Variants in ADGRB3 observed in about 807,000 individuals in gnomAD.
ADGRB3 encodes the protein brain-specific angiogenesis inhibitor 3.
Under a neutral mutation model 193.4 loss-of-function variants are expected in ADGRB3, and 37 were observed. The observed-to-expected ratio is 0.19, with a 90% CI of 0.15 to 0.25. The LOEUF (loss-of-function observed/expected upper bound fraction) is 0.25, where lower values mean the gene tolerates loss of function less well. Ranked by LOEUF, ADGRB3 falls within the 10% of genes least tolerant of loss-of-function variation. ADGRB3 has a pLI of 1.00. For missense variants in ADGRB3, 1,637 were observed against 1,852.9 expected (o/e 0.88, Z 2.14); for synonymous variants, 690 against 644.2 (o/e 1.07, Z -1.08).
chr6:69,224,821 GA>G (rs908486592), intron 17 of ADGRB3, among the ~76,000 whole-genome samples: 1 of 151,822 alleles, frequency 6.6e-6, no homozygotes, highest in Non-Finnish European at 1.5e-5. Context: ...AATTTTCTGA[GA>G]AAAAAATACT....
intron 3 of ADGRB3, among the ~76,000 whole-genome samples, chr6:68,777,615 T>A (rs1042384431): frequency 5.4e-5 from 8 of 147,152 alleles, no homozygotes; most frequent in Admixed American, 2.7e-4. Context: ...CTAAAAAAAA[T>A]TGCTAATGGG....
chr6:68,920,338 T>C (rs1767000235), intron 3 of ADGRB3, among the ~76,000 whole-genome samples: 1 of 151,766 alleles, frequency 6.6e-6, no homozygotes, highest in Non-Finnish European at 1.5e-5. Context: ...GCTAACATGG[T>C]GAAACCCCAT....
At chr6:68,857,051 C>T (rs1049535181) in intron 3 of ADGRB3, among the ~76,000 whole-genome samples, 8 of 152,250 alleles carry the variant, frequency 5.3e-5, no homozygotes, top group African/African-American at 1.9e-4. Context: ...CCTGCAAGGG[C>T]ACAGAAGTCA....
chr6:68,831,517 G>T (rs1767952819), intron 3 of ADGRB3, among the ~76,000 whole-genome samples: 1 of 152,004 alleles, frequency 6.6e-6, no homozygotes, highest in African/African-American at 2.4e-5. Flanking sequence ...TTTGGTTGGG[G>T]TTTCACAGTC....
At chr6:69,288,648 T>C (rs979371036) in intron 20 of ADGRB3, among the ~76,000 whole-genome samples, 1 of 152,190 alleles carries the variant, frequency 6.6e-6, no homozygotes, top group Non-Finnish European at 1.5e-5. Context: ...TCACAATTCT[T>C]GCAGATGTGT....
chr6:68,989,900 G>A (rs1769183968), intron 10 of ADGRB3, among the ~76,000 whole-genome samples: 1 of 152,108 alleles, frequency 6.6e-6, no homozygotes, highest in Non-Finnish European at 1.5e-5. Flanking sequence ...AAAGGAAGTA[G>A]CAATAAGAGA....
At chr6:68,637,866 G>A (rs1017030768) in intron 2 of ADGRB3, among the ~76,000 whole-genome samples, 5 of 150,496 alleles carry the variant, frequency 3.3e-5, no homozygotes, top group African/African-American at 7.4e-5. Context: ...TCCACTTTAT[G>A]TATCCCAAAA....
chr6:68,640,440 T>G (rs1768060982), intron 3 of ADGRB3, among the ~76,000 whole-genome samples: 1 of 152,240 alleles, frequency 6.6e-6, no homozygotes, highest in South Asian at 2.1e-4. Context: ...TGACTTTTGT[T>G]GTTTGGAAGG....
rs1322065585 is a variant in ADGRB3 at position 68,728,575 on chromosome 6, CACAA to C, written c.757+89147_757+89150del. Among the ~76,000 whole-genome samples, 4 of 151,606 alleles carry C rather than the reference CACAA, an allele frequency of 2.6e-5. No homozygotes were observed. In the South Asian group the frequency reaches 6.2e-4, roughly 24 times the overall value. ...TAGGCTTTCTTCTAAATTACACACA[CACAA>C]ACACACACACGTAATATGTAGGCAT... On this transcript the variant is annotated intron_variant, in intron 3 of 31. Transcript: ENST00000370598.
At chr6:69,262,825 A>T (rs1766958064) in intron 20 of ADGRB3, among the ~76,000 whole-genome samples, 2 of 136,738 alleles carry the variant, frequency 1.5e-5, no homozygotes, top group Admixed American at 7.0e-5. Flanking sequence ...TATGTGTCAT[A>T]AAAAAAAAAT....
intron 8 of ADGRB3, among the ~76,000 whole-genome samples, chr6:68,971,527 A>G (rs778877315): frequency 1.1e-4 from 17 of 152,244 alleles, no homozygotes; most frequent in Non-Finnish European, 2.9e-5. Context: ...TGTGTTGTTC[A>G]AGGATTAACT....
chr6:69,045,468 A>G (rs1398998467), intron 13 of ADGRB3, among the ~76,000 whole-genome samples: 1 of 152,136 alleles, frequency 6.6e-6, no homozygotes, highest in African/African-American at 2.4e-5. Context: ...TGAAAGATTC[A>G]TACTACTTTA....
intron 3 of ADGRB3, among the ~76,000 whole-genome samples, chr6:68,903,585 T>C (rs1562079316): frequency 6.6e-6 from 1 of 152,120 alleles, no homozygotes; most frequent in East Asian, 1.9e-4. Context: ...CAAATGAAAA[T>C]ATTGCCTATA....
chr6:69,354,928 A>G (rs1291878833), intron 27 of ADGRB3, among the ~76,000 whole-genome samples: 2 of 152,208 alleles, frequency 1.3e-5, no homozygotes, highest in African/African-American at 4.8e-5. Context: ...TAGAAATAAG[A>G]TGAGATTTAA....
intron 17 of ADGRB3, among the ~76,000 whole-genome samples, chr6:69,215,372 AT>A: frequency 6.6e-6 from 1 of 152,274 alleles, no homozygotes; most frequent in African/African-American, 2.4e-5. Flanking sequence ...TAAAAAGAAA[AT>A]ATATGTTCTA....
Position 69,200,105 on chromosome 6 carries a change from T to C in ADGRB3, c.2481-33185T>C, listed in dbSNP as rs574470304. Among the ~76,000 whole-genome samples the C allele has an allele frequency of 5.3e-5, 8 of 151,734 alleles. No individual in the cohort carries two copies. The South Asian group carries it at 1.7e-3, about 32-fold the overall frequency. On this transcript the variant is annotated intron_variant, in intron 17 of 31. Transcript: ENST00000370598. ...TTCTGGTTTATGTATGTTTTTGTTA[T>C]TTTTACCAGAAATAAAGTTTTAATT...
At chr6:69,129,816 G>T (rs535214655) in intron 17 of ADGRB3, among the ~76,000 whole-genome samples, 222 of 152,166 alleles carry the variant, frequency 1.5e-3, no homozygotes, top group Admixed American at 2.2e-3. Context: ...AATAGAAAAA[G>T]AATTGTGTTG....
At chr6:69,327,786 T>C in intron 21 of ADGRB3, 34 bp from the exon 22 acceptor site, 1 of 1,595,124 alleles carries the variant, frequency 6.3e-7, no homozygotes, top group Non-Finnish European at 8.6e-7. Flanking sequence ...TGGTTATAGC[T>C]AAATATGAAT....
intron 3 of ADGRB3, among the ~76,000 whole-genome samples, chr6:68,742,890 T>A (rs1766007545): frequency 6.6e-6 from 1 of 151,956 alleles, no homozygotes; most frequent in Non-Finnish European, 1.5e-5. Flanking sequence ...TATAATTTTC[T>A]ATTTTTTCCT....
Sources: allele counts gnomAD v4.1 joint callset (sites outside exome capture counted in the v4.1 genomes callset), GRCh38; gene constraint gnomAD v4.1.1; transcripts MANE v1.5; gene names NCBI Gene and HGNC (gene_info 2026-07-23, HGNC 2026-07-21).